The following PLEKHA1 variants were observed in gnomAD, a reference collection of about 807,000 sequenced individuals.
The protein encoded by PLEKHA1 is pleckstrin homology domain-containing family A member 1.
A neutral mutation model predicts 52.0 loss-of-function variants in PLEKHA1; 34 were observed. The observed-to-expected ratio is 0.65, with a 90% confidence interval of 0.50 to 0.87. The LOEUF is 0.87. Ranked by LOEUF, PLEKHA1 falls within the 40% of genes least tolerant of loss-of-function variation. PLEKHA1 has a pLI of 0.00. For synonymous variants in PLEKHA1, 163 were observed against 170.7 expected (o/e 0.95, Z 0.35); for missense variants, 497 against 504.2 (o/e 0.99, Z 0.14).
At chr10:122,396,129 T>G (rs978240823) in intron 2 of PLEKHA1, among the ~76,000 whole-genome samples, 8 of 152,138 alleles carry the variant, frequency 5.3e-5, no homozygotes, top group Admixed American at 3.9e-4. Flanking sequence ...CTACTATTAC[T>G]GTGACACTTT....
At chr10:122,380,625 A>G (rs1304763947) in intron 1 of PLEKHA1, among the ~76,000 whole-genome samples, 1 of 152,068 alleles carries the variant, frequency 6.6e-6, no homozygotes, top group Non-Finnish European at 1.5e-5. Context: ...AGTGGTCTTT[A>G]TGAGGGCTTT....
intron 3 of PLEKHA1, among the ~76,000 whole-genome samples, chr10:122,398,214 C>T (rs2096877449): frequency 1.3e-5 from 2 of 152,068 alleles, no homozygotes; most frequent in South Asian, 4.1e-4. Context: ...CTTTTATGAT[C>T]AGGTATATGA....
chr10:122,391,929 C>T (rs1367809422), intron 1 of PLEKHA1, among the ~76,000 whole-genome samples: 1 of 152,086 alleles, frequency 6.6e-6, no homozygotes, highest in Non-Finnish European at 1.5e-5. Flanking sequence ...TATCAGTGTG[C>T]ATTGTAATTG....
At chr10:122,419,595 A>G (rs1438866236) in intron 8 of PLEKHA1, 1 of 152,200 alleles carries the variant, frequency 6.6e-6, no homozygotes, top group Non-Finnish European at 1.5e-5. Context: ...ACTGAAAATA[A>G]AAGAGAATAA....
In PLEKHA1 at chr10:122,424,879, A is replaced by ATT; in HGVS notation, c.747-9_747-8dup. 6.3e-7 allele frequency: 1 copy of ATT among 1,587,638 alleles called. No individual in the cohort carries two copies. The highest frequency in any genetic ancestry group is 2.3e-5 in the East Asian group (1 of 44,242). ...ACAACTGCTATTTAAGTATAATTGG[A>ATT]TTTTTTTTTCATACAGCGACATAAT... On this transcript the variant is annotated splice_polypyrimidine_tract_variant and intron_variant, in intron 9 of 11. Coordinates refer to ENST00000368990, the MANE Select transcript of PLEKHA1 (RefSeq NM_001001974.4).
At chr10:122,404,625 T>C (rs1210532971) in intron 4 of PLEKHA1, among the ~76,000 whole-genome samples, 1 of 152,248 alleles carries the variant, frequency 6.6e-6, no homozygotes, top group African/African-American at 2.4e-5. Flanking sequence ...TTGATAGATA[T>C]AGCATCCTAG....
chr10:122,408,008 G>A (rs867039178), intron 5 of PLEKHA1, among the ~76,000 whole-genome samples: 4 of 152,176 alleles, frequency 2.6e-5, no homozygotes, highest in Non-Finnish European at 5.9e-5. Context: ...CCTACGCACC[G>A]CATCTGATCT....
chr10:122,416,594 T>C (rs1410990278), intron 7 of PLEKHA1, among the ~76,000 whole-genome samples: 1 of 152,246 alleles, frequency 6.6e-6, no homozygotes, highest in Non-Finnish European at 1.5e-5. Flanking sequence ...TAGTAAAAGC[T>C]GTTATGGGTT....
chr10:122,442,267 T>C, the PLEKHA1 span: 1 of 152,124 alleles, frequency 6.6e-6, no homozygotes. Context: ...CTAGAGTCTT[T>C]ACTTTTTTTT....
At chr10:122,379,491 T>G (rs1338684981) in intron 1 of PLEKHA1, among the ~76,000 whole-genome samples, 4 of 152,160 alleles carry the variant, frequency 2.6e-5, no homozygotes, top group Non-Finnish European at 5.9e-5. Flanking sequence ...GGGATGCAAG[T>G]CTGTTCTAGG....
rs144558158 is a variant in PLEKHA1 at position 122,380,101 on chromosome 10, C to G, written c.-21+5295C>G. On this transcript the variant is annotated intron_variant, in intron 1 of 11. Transcript: ENST00000368990. ...GGAAATACAGTATTTGAAACTTTTT[C>G]CTTCCATTATTTAAATAAATCAGTT... 5.4e-3 allele frequency among the ~76,000 whole-genome samples: 817 copies of G among 152,264 alleles called. 8 individuals are homozygous for G. The highest frequency in any genetic ancestry group is 9.8e-3 in the Non-Finnish European group (665 of 68,018).
intron 4 of PLEKHA1, among the ~76,000 whole-genome samples, 186 bp downstream of exon 4, chr10:122,400,574 C>G (rs1255224966): frequency 6.6e-6 from 1 of 152,164 alleles, no homozygotes; most frequent in Non-Finnish European, 1.5e-5. Context: ...AACCCTGAAG[C>G]CTCTTTCCTG....
Position 122,381,367 on chromosome 10 carries a change from G to A in PLEKHA1, c.-21+6561G>A, listed in dbSNP as rs182571315. Reference sequence around the variant, plus strand: ...TGTGTCCCCACCCAAATCTCATGTCGAATTGTAATCCCCAGTGTTGGAGGA... The same window carrying A: ...TGTGTCCCCACCCAAATCTCATGTCAAATTGTAATCCCCAGTGTTGGAGGA... On this transcript the variant is annotated intron_variant, in intron 1 of 11. Transcript: ENST00000368990. 1.6e-3 allele frequency among the ~76,000 whole-genome samples: 247 copies of A among 152,308 alleles called. 2 individuals are homozygous for A. The highest frequency in any genetic ancestry group is 4.2e-3 in the African/African-American group (173 of 41,580).
chr10:122,424,414 A>G, intron 9 of PLEKHA1, 151 bp downstream of exon 9: 1 of 861,026 alleles, frequency 1.2e-6, no homozygotes, highest in Non-Finnish European at 1.6e-6. Flanking sequence ...AATTTTCAAA[A>G]CCCTCAGAGT....
Position 122,393,108 on chromosome 10 carries a change from A to T in PLEKHA1, c.-20-73A>T, listed in dbSNP as rs1272701155. The T allele has an allele frequency of 5.6e-6, 7 of 1,260,932 alleles. No individual in the cohort carries two copies. The highest frequency in any genetic ancestry group is 6.4e-6 in the Non-Finnish European group (6 of 936,136). The allele number at this position is 1,260,932 out of a possible 1,614,324, so 78.1% of individuals were successfully genotyped here. A position where few individuals can be genotyped will look rare whatever the true frequency, so the allele number is the denominator to read the frequency against. ...ATGTTGGCAAGTTGCCCCCTCATTG[A>T]ACAGATTTGCAGTCCATGAGAAATA... On this transcript the variant is annotated intron_variant, in intron 1 of 11. Transcript: ENST00000368990. This position sits in a 1 kb window ranked among gnomAD's most constrained non-coding sequence, Gnocchi z 4.5.
chr10:122,412,870 C>T (rs769642619), intron 5 of PLEKHA1, 50 bp from the exon 6 acceptor site: 36 of 1,592,908 alleles, frequency 2.3e-5, no homozygotes, highest in Non-Finnish European at 2.9e-5. Context: ...AAAACAGGTT[C>T]ACATGTATAA....
In PLEKHA1 at chr10:122,413,811, A is replaced by G. The variant is rs1358382840; in HGVS notation, c.468+766A>G. ...GTTGAGAAACCAAGAATTTTAAAGTAATCAATTGGTATTGCCAAGCTTGGG... is the reference window on the plus strand; with the variant it reads ...GTTGAGAAACCAAGAATTTTAAAGTGATCAATTGGTATTGCCAAGCTTGGG... On this transcript the variant is annotated intron_variant, in intron 6 of 11. Coordinates refer to ENST00000368990, the MANE Select transcript of PLEKHA1 (RefSeq NM_001001974.4). Among the ~76,000 whole-genome samples the G allele has an allele frequency of 2.0e-5, 3 of 152,114 alleles. No individual in the cohort carries two copies. The East Asian group carries it at 5.8e-4, about 29-fold the overall frequency.
downstream of PLEKHA1, chr10:122,436,425 CAGATTGAAAT>C (rs932241896): frequency 2.6e-5 from 4 of 152,166 alleles, no homozygotes; most frequent in Admixed American, 6.5e-5. Context: ...TAGTAAGTAA[CAGATTGAAAT>C]AGCTTTAAGA....
intron 4 of PLEKHA1, among the ~76,000 whole-genome samples, 168 bp from the exon 5 acceptor site, chr10:122,406,408 T>C (rs1366591405): frequency 6.6e-6 from 1 of 152,214 alleles, no homozygotes; most frequent in African/African-American, 2.4e-5. Context: ...AATAAGAGTT[T>C]TACCTGTGTT....
Sources: allele counts gnomAD v4.1 joint callset (sites outside exome capture counted in the v4.1 genomes callset), GRCh38; gene constraint gnomAD v4.1.1; non-coding constraint Gnocchi (gnomAD v3.1); transcripts MANE v1.5; gene names NCBI Gene and HGNC (gene_info 2026-07-23, HGNC 2026-07-21).